The following PPP1CC variants were observed in gnomAD, a reference collection of about 807,000 sequenced individuals.
PPP1CC encodes serine/threonine-protein phosphatase PP1-gamma catalytic subunit.
A neutral mutation model predicts 38.4 loss-of-function variants in PPP1CC; 16 were observed. The observed-to-expected ratio is 0.42, with a 90% CI of 0.28 to 0.63. The LOEUF is 0.63. PPP1CC is among the 30% of genes least tolerant of loss of function. The pLI, the probability that PPP1CC is intolerant of heterozygous loss-of-function variation, is 0.25. For synonymous variants in PPP1CC, 158 were observed against 136.0 expected, an observed-to-expected ratio of 1.16 and a Z score of -1.13; for missense variants, 170 against 391.3, an observed-to-expected ratio of 0.43 and a Z score of 4.77.
intron 1 of PPP1CC, chr12:110,732,659 T>C (rs549621106): frequency 1.3e-5 from 2 of 152,376 alleles, no homozygotes; most frequent in Admixed American, 6.5e-5. Flanking sequence ...ATGTCAGTCA[T>C]GTGCTATACT....
chr12:110,727,054 C>G (rs573202585), intron 3 of PPP1CC, among the ~76,000 whole-genome samples: 24 of 152,184 alleles, frequency 1.6e-4, no homozygotes, highest in Non-Finnish European at 2.6e-4. Context: ...TTTCCTGCCT[C>G]AATCTCCTGA....
chr12:110,740,015 C>T (rs2069997891), intron 1 of PPP1CC, among the ~76,000 whole-genome samples: 1 of 152,188 alleles, frequency 6.6e-6, no homozygotes, highest in Admixed American at 6.5e-5. Context: ...GCCTCGCTTA[C>T]AGAAATACTC....
chr12:110,739,554 C>T (rs1269366245), intron 1 of PPP1CC, among the ~76,000 whole-genome samples: 1 of 152,086 alleles, frequency 6.6e-6, no homozygotes, highest in Non-Finnish European at 1.5e-5. Context: ...TCCCTACCTT[C>T]AGAACAACCC....
the PPP1CC span, among the ~76,000 whole-genome samples, chr12:110,714,633 C>G: frequency 1.3e-5 from 2 of 151,300 alleles, no homozygotes; most frequent in Admixed American, 1.3e-4. Flanking sequence ...GTAGTAAAAC[C>G]CCGTCTCTGC....
At chr12:110,710,239 T>C in the PPP1CC span, among the ~76,000 whole-genome samples, 96 of 152,192 alleles carry the variant, frequency 6.3e-4, 1 homozygote, top group South Asian at 0.019. Flanking sequence ...AGATAACCTC[T>C]AATATTAATA....
chr12:110,730,462 G>A, intron 3 of PPP1CC, 67 bp downstream of exon 3: 1 of 1,190,732 alleles, frequency 8.4e-7, no homozygotes, highest in Non-Finnish European at 1.2e-6. Flanking sequence ...ACAGAAGTAT[G>A]TGATAATTGT....
chr12:110,720,942 A>G lies in PPP1CC; in HGVS notation c.*134T>C. On this transcript the variant is annotated 3_prime_UTR_variant, in exon 7 of 7. Coordinates refer to ENST00000335007, the MANE Select transcript of PPP1CC (RefSeq NM_002710.4). ...ATAACCAGCAAATGCCATTCACTAA[A>G]TCAAAAATGGAAGGAAGGGCCCCCA... The G allele has an allele frequency of 1.5e-6, 1 of 664,508 alleles. No homozygotes were observed. 41.2% of individuals were successfully genotyped at this position (664,508 alleles called of 1,614,324 possible).
Position 110,721,032 on chromosome 12 carries a change from T to C in PPP1CC, c.*44A>G. The C allele has an allele frequency of 1.3e-6, 2 of 1,537,290 alleles. No individual in the cohort carries two copies. Among genetic ancestry groups the C allele is most frequent in the Non-Finnish European group, 1.8e-6 (2 of 1,110,520 alleles). On this transcript the variant is annotated 3_prime_UTR_variant, in exon 7 of 7. Coordinates refer to ENST00000335007, the MANE Select transcript of PPP1CC (RefSeq NM_002710.4). ...TACAGTCTTAAAAATGAAGGTTATA[T>C]ACTCTATGTTACAAGTCCCGACTAG...
intron 3 of PPP1CC, 117 bp from the exon 4 acceptor site, chr12:110,724,881 AC>A (rs1389961927): frequency 3.7e-6 from 2 of 541,322 alleles, no homozygotes; most frequent in Non-Finnish European, 6.7e-6. Flanking sequence ...AGCAAATGAA[AC>A]TATGTTTTTA....
chr12:110,735,587 G>C (rs1478757158), intron 1 of PPP1CC, among the ~76,000 whole-genome samples: 1 of 151,960 alleles, frequency 6.6e-6, no homozygotes, highest in East Asian at 1.9e-4. Flanking sequence ...TTCGAGACCA[G>C]CCTGGCCAAC....
chr12:110,728,776 G>T (rs917559560), intron 3 of PPP1CC, among the ~76,000 whole-genome samples: 1 of 152,142 alleles, frequency 6.6e-6, no homozygotes, highest in African/African-American at 2.4e-5. Flanking sequence ...TTTTGTCCCT[G>T]ATGATTCCTG....
At chr12:110,727,532 C>A (rs1051405245) in intron 3 of PPP1CC, among the ~76,000 whole-genome samples, 1 of 151,070 alleles carries the variant, frequency 6.6e-6, no homozygotes, top group African/African-American at 2.4e-5. Flanking sequence ...CAGACAGCTA[C>A]GGCAGCAGAA....
chr12:110,740,568 G>T (rs1178727751), intron 1 of PPP1CC, among the ~76,000 whole-genome samples: 2 of 151,928 alleles, frequency 1.3e-5, no homozygotes, highest in Non-Finnish European at 2.9e-5. Flanking sequence ...GAGAAAAAAA[G>T]AAATTTAAGT....
chr12:110,730,862 T>C (rs1002568974), intron 2 of PPP1CC, 103 bp from the exon 3 acceptor site: 16 of 733,278 alleles, frequency 2.2e-5, no homozygotes, highest in African/African-American at 5.3e-5. Flanking sequence ...TACAATGGCA[T>C]TGACCTCTAG....
chr12:110,729,282 A>G lies in PPP1CC; in HGVS notation c.418+1247T>C, dbSNP rs573199109. On this transcript the variant is annotated intron_variant, in intron 3 of 6. Coordinates refer to ENST00000335007, the MANE Select transcript of PPP1CC (RefSeq NM_002710.4). ...TGATTTTGGCTCACTGCAACCTCCG[A>G]CTCCTGGGTTCAAGTGATTCTCCTG... Among the ~76,000 whole-genome samples, 530 of 144,124 alleles carry G rather than the reference A, an allele frequency of 3.7e-3. 3 individuals carry two copies. The highest frequency in any genetic ancestry group is 5.4e-3 in the Non-Finnish European group (365 of 67,080). The allele number at this position is 144,124 out of a possible 152,430, so 94.6% of individuals were successfully genotyped here.
downstream of PPP1CC, among the ~76,000 whole-genome samples, chr12:110,716,333 A>C (rs985573509): frequency 6.6e-6 from 1 of 151,574 alleles, no homozygotes. Flanking sequence ...TTTCCCTATT[A>C]CTGCAAACTT....
intron 1 of PPP1CC, among the ~76,000 whole-genome samples, chr12:110,740,499 A>C (rs75786650): frequency 6.6e-6 from 1 of 152,150 alleles, no homozygotes; most frequent in Admixed American, 6.5e-5. Flanking sequence ...TTTAACTTAG[A>C]TATCTACATA....
In PPP1CC at chr12:110,730,776, T is replaced by C. The variant is rs199808295; in HGVS notation, c.188-17A>G. 1.9e-4 allele frequency: 288 copies of C among 1,530,190 alleles called. No individual in the cohort carries two copies. In the East Asian group the frequency reaches 5.3e-3, roughly 28 times the overall value. 94.8% of individuals were successfully genotyped at this position (1,530,190 alleles called of 1,614,324 possible). A position where few individuals can be genotyped will look rare whatever the true frequency, so the allele number is the denominator to read the frequency against. On this transcript the variant is annotated splice_polypyrimidine_tract_variant and intron_variant, in intron 2 of 6. Transcript: ENST00000335007. ...GGATGTCACCTGGAAGCAAGAATTTTGTTACACAGTGTTCCCATACTTAAA... is the reference window on the plus strand; with the variant it reads ...GGATGTCACCTGGAAGCAAGAATTTCGTTACACAGTGTTCCCATACTTAAA...
chr12:110,741,555 C>A (rs749991101), intron 1 of PPP1CC, among the ~76,000 whole-genome samples: 26 of 152,138 alleles, frequency 1.7e-4, no homozygotes, highest in Non-Finnish European at 3.1e-4. Flanking sequence ...CTGAACCTCG[C>A]CCCTCTCCCA....
Sources: allele counts gnomAD v4.1 joint callset (sites outside exome capture counted in the v4.1 genomes callset), GRCh38; gene constraint gnomAD v4.1.1; transcripts MANE v1.5; gene names NCBI Gene and HGNC (gene_info 2026-07-23, HGNC 2026-07-21).